ATXN7L1: variants seen among roughly 807,000 people sequenced by gnomAD.
ATXN7L1 encodes ataxin-7-like protein 1.
Under a neutral mutation model 70.8 loss-of-function variants are expected in ATXN7L1, and 15 were observed. That is an observed-to-expected ratio of 0.21 (90% CI 0.14 to 0.33). The LOEUF is 0.33. Ranked by LOEUF, ATXN7L1 falls within the 10% of genes least tolerant of loss-of-function variation. The pLI is 1.00. For missense variants in ATXN7L1, 975 were observed against 1,097.1 expected, an observed-to-expected ratio of 0.89 and a Z score of 1.57; for synonymous variants, 440 against 445.1, an observed-to-expected ratio of 0.99 and a Z score of 0.14.
Position 105,614,395 on chromosome 7 carries a change from G to A in ATXN7L1, c.1939C>T (p.Pro647Ser). The change falls in exon 10 of 12, where the codon CCA (proline) becomes TCA (serine). Residue 647 changes from proline (P) to serine (S), a missense_variant. By Grantham distance (74) the Pro-to-Ser change is moderately conservative. Transcript: ENST00000419735. This position sits in a 1 kb window ranked among gnomAD's most constrained non-coding sequence, Gnocchi z 4.3. Reference protein sequence around the residue: ...DESPSNKKRKPQSSTSSSSSS... With the variant: ...DESPSNKKRKSQSSTSSSSSS... ...GAGGAGGAGGAAGTCGAAGACTGTG[G>A]CTTCCTTTTTTTGTTACTTGGAGAC... The A allele has an allele frequency of 6.4e-7, 1 of 1,552,036 alleles. No individual in the cohort carries two copies. The highest frequency in any genetic ancestry group is 8.7e-7 in the Non-Finnish European group (1 of 1,147,010).
Position 105,624,172 on chromosome 7 carries a change from G to C in ATXN7L1, c.1298C>G (p.Ala433Gly), listed in dbSNP as rs1266798081. The change falls in exon 8 of 12, where the codon GCC (alanine) becomes GGC (glycine). Residue 433 changes from alanine to glycine, a missense_variant. By Grantham distance (60) the Ala-to-Gly change is moderately conservative. Transcript: ENST00000419735. ...CCCTTCATCACTGGACAGTCGGCTGGCGAGGTCACCTCCAACCGGTGGGAG... is the reference window on the plus strand; with the variant it reads ...CCCTTCATCACTGGACAGTCGGCTGCCGAGGTCACCTCCAACCGGTGGGAG... ...PPLPPVGGDLASRLSSDEGEM... is the reference protein window; with the variant it reads ...PPLPPVGGDLGSRLSSDEGEM... 25 of 1,533,598 alleles carry C rather than the reference G, an allele frequency of 1.6e-5. No homozygotes were observed. Among genetic ancestry groups the C allele is most frequent in the Non-Finnish European group, 2.2e-5 (25 of 1,137,024 alleles). 95.0% of individuals were successfully genotyped at this position (1,533,598 alleles called of 1,614,324 possible). A position where few individuals can be genotyped will look rare whatever the true frequency, so the allele number is the denominator to read the frequency against.
chr7:105,790,280 A>T (rs1007779759), intron 2 of ATXN7L1, among the ~76,000 whole-genome samples: 1 of 152,234 alleles, frequency 6.6e-6, no homozygotes, highest in Non-Finnish European at 1.5e-5. Context: ...TGAACTGTAC[A>T]CTTTAAATGG....
At chr7:105,859,377 C>G (rs1269030288) in intron 2 of ATXN7L1, among the ~76,000 whole-genome samples, 2 of 151,894 alleles carry the variant, frequency 1.3e-5, no homozygotes, top group East Asian at 3.9e-4. Flanking sequence ...TTTTCAAATG[C>G]TACAGAAATA....
intron 4 of ATXN7L1, among the ~76,000 whole-genome samples, chr7:105,643,395 C>T (rs1398275): frequency 0.52 from 78,236 of 151,906 alleles, 20,298 homozygotes; most frequent in South Asian, 0.64. Flanking sequence ...CCTGCAACTC[C>T]CCACTTCCCG....
intron 2 of ATXN7L1, among the ~76,000 whole-genome samples, chr7:105,857,810 T>G (rs534684071): frequency 1.3e-5 from 2 of 152,190 alleles, no homozygotes; most frequent in Admixed American, 6.5e-5. Flanking sequence ...TCCCACTGAT[T>G]GTGGTTTTCA....
At position 105,614,487 on chromosome 7, in the gene ATXN7L1, T is replaced by A; in HGVS notation, c.1847A>T (p.His616Leu). Residue 616 changes from histidine to leucine, a missense_variant, in exon 10 of 12, where the codon CAC becomes CTC. Around this residue, in one of 5 missense-constraint regions of ATXN7L1, gnomAD observed 635 missense variants for 699.4 expected, o/e 0.91. Coordinates refer to ENST00000419735, the MANE Select transcript of ATXN7L1 (RefSeq NM_020725.2). The surrounding 1 kb of genome is among the most constrained non-coding windows in gnomAD (Gnocchi z 4.3). ...GCTGGTTTTGGTTTTGGATGGCTTG[T>A]GGGATGGGGAAGGGATGACGGCTGG... ...PIPAVIPSPSHKPSKTKTSKS... is the reference protein window; with the variant it reads ...PIPAVIPSPSLKPSKTKTSKS... The A allele has an allele frequency of 6.5e-7, 1 of 1,534,542 alleles. No homozygotes were observed. Among genetic ancestry groups the A allele is most frequent in the Non-Finnish European group, 8.8e-7 (1 of 1,137,408 alleles).
At chr7:105,674,295 C>T (rs1303660980) in intron 3 of ATXN7L1, among the ~76,000 whole-genome samples, 1 of 152,174 alleles carries the variant, frequency 6.6e-6, no homozygotes, top group Non-Finnish European at 1.5e-5. Context: ...TCTTCGTCAT[C>T]TGGTCACCCC....
At chr7:105,786,634 CT>C in intron 3 of ATXN7L1, among the ~76,000 whole-genome samples, 1 of 152,288 alleles carries the variant, frequency 6.6e-6, no homozygotes, top group Admixed American at 6.5e-5. Context: ...AGTTCTCCCC[CT>C]CTGCCTCTCC....
intron 7 of ATXN7L1, among the ~76,000 whole-genome samples, chr7:105,626,924 A>G (rs1174041610): frequency 6.6e-6 from 1 of 152,242 alleles, no homozygotes; most frequent in African/African-American, 2.4e-5. Context: ...AAATGTGGGT[A>G]GTACATACTA....
chr7:105,855,053 C>T (rs772677554), intron 2 of ATXN7L1, among the ~76,000 whole-genome samples: 6 of 151,450 alleles, frequency 4.0e-5, no homozygotes, highest in Non-Finnish European at 8.8e-5. Context: ...CTCCCAGGTT[C>T]AGGTGATTCT....
chr7:105,723,490 A>G (rs1312346281), intron 3 of ATXN7L1, among the ~76,000 whole-genome samples: 1 of 152,206 alleles, frequency 6.6e-6, no homozygotes, highest in Non-Finnish European at 1.5e-5. Context: ...GGTCTTTTGC[A>G]GCTCTAAAAT....
intron 3 of ATXN7L1, among the ~76,000 whole-genome samples, chr7:105,698,260 T>C (rs1036928550): frequency 6.6e-6 from 1 of 152,142 alleles, no homozygotes; most frequent in Non-Finnish European, 1.5e-5. Context: ...GCAACTAGAT[T>C]TTGGCTTAAT....
intron 8 of ATXN7L1, among the ~76,000 whole-genome samples, chr7:105,623,027 G>A (rs762359172): frequency 1.3e-5 from 2 of 152,176 alleles, no homozygotes; most frequent in Non-Finnish European, 2.9e-5. Context: ...TAGCGCTTGT[G>A]CCAGATGAGT....
intron 2 of ATXN7L1, among the ~76,000 whole-genome samples, chr7:105,821,945 C>G (rs956745780): frequency 2.0e-5 from 3 of 152,202 alleles, no homozygotes; most frequent in Non-Finnish European, 2.9e-5. Context: ...GGTGACATTG[C>G]ACATACTCCA....
At chr7:105,679,107 A>AACGCG (rs917432187) in intron 3 of ATXN7L1, 106 of 986,006 alleles carry the variant, frequency 1.1e-4, no homozygotes, top group Non-Finnish European at 1.2e-4. Context: ...CACGCTGGGC[A>AACGCG]ACGCGACTCG....
rs78943266 is a variant in ATXN7L1, at chr7:105,608,081, C to T, written c.2548-191G>A. On this transcript the variant is annotated intron_variant, in intron 11 of 11. Transcript: ENST00000419735. ...AAGGACCCAATAGCAAATGAGGTGA[C>T]GGATCCATGCATGTAAGGCAGTCAC... 8.6e-3 allele frequency among the ~76,000 whole-genome samples: 1,315 copies of T among 152,258 alleles called. 11 individuals carry two copies. Among genetic ancestry groups the T allele is most frequent in the African/African-American group, 0.03 (1,232 of 41,534 alleles).
At chr7:105,710,045 C>T (rs952168382) in intron 3 of ATXN7L1, among the ~76,000 whole-genome samples, 1 of 151,628 alleles carries the variant, frequency 6.6e-6, no homozygotes, top group Non-Finnish European at 1.5e-5. Context: ...GCTAATTTTT[C>T]TTTTGTAGAG....
intron 3 of ATXN7L1, chr7:105,691,506 A>C (rs1276287701): frequency 6.6e-6 from 1 of 152,152 alleles, no homozygotes; most frequent in African/African-American, 2.4e-5. Flanking sequence ...TAGGATCAGC[A>C]AAATTATGCA....
At chr7:105,704,584 C>CTTT (rs11329205) in intron 3 of ATXN7L1, among the ~76,000 whole-genome samples, 16 of 89,486 alleles carry the variant, frequency 1.8e-4, no homozygotes, top group African/African-American at 3.4e-4. Flanking sequence ...GGTTTTATCT[C>CTTT]TTTTTTTTTT....
Sources: gnomAD v4.1 joint callset for allele counts (sites outside exome capture counted in the v4.1 genomes callset) on GRCh38, gnomAD v4.1.1 for gene constraint, gnomAD v4.1.1 regional missense constraint, Gnocchi (gnomAD v3.1) non-coding constraint, MANE v1.5 for transcripts, NCBI Gene and HGNC (gene_info 2026-07-23, HGNC 2026-07-21) for gene names.